The following MTX2 variants were observed in gnomAD, a reference collection of about 807,000 sequenced individuals.
MTX2 encodes metaxin 2.
Under a neutral mutation model 42.3 loss-of-function variants are expected in MTX2, and 35 were observed. The observed-to-expected ratio is 0.83, with a 90% confidence interval of 0.63 to 1.10. MTX2 has a LOEUF of 1.10. MTX2 is among the 50% of genes least tolerant of loss of function. The pLI, the probability that MTX2 is intolerant of heterozygous loss-of-function variation, is 0.00. For missense variants in MTX2, 307 were observed against 304.1 expected, an observed-to-expected ratio of 1.01 and a Z score of -0.07; for synonymous variants, 119 against 100.9, an observed-to-expected ratio of 1.18 and a Z score of -1.08.
At chr2:176,306,728 C>G (rs1684157044) in intron 3 of MTX2, among the ~76,000 whole-genome samples, 2 of 152,260 alleles carry the variant, frequency 1.3e-5, no homozygotes, top group African/African-American at 4.8e-5. Context: ...AGTGTCTGTT[C>G]ATATCCTTTG....
chr2:176,296,592 C>T lies in MTX2; in HGVS notation c.41-268C>T, dbSNP rs116743621. On this transcript the variant is annotated intron_variant, in intron 1 of 9. Coordinates refer to ENST00000249442, the MANE Select transcript of MTX2 (RefSeq NM_006554.5). ...TGAGCTATTTTGTTTTTTTTATTCTCATTTTGGATTGGGCAAGGTATCTTC... is the reference window on the plus strand; with the variant it reads ...TGAGCTATTTTGTTTTTTTTATTCTTATTTTGGATTGGGCAAGGTATCTTC... 5.8e-3 allele frequency among the ~76,000 whole-genome samples: 877 copies of T among 151,914 alleles called. 3 individuals are homozygous for T. The highest frequency in any genetic ancestry group is 0.02 in the African/African-American group (825 of 41,452).
chr2:176,329,553 C>G (rs1684805393), intron 8 of MTX2, 127 bp downstream of exon 8: 5 of 975,530 alleles, frequency 5.1e-6, no homozygotes, highest in African/African-American at 3.4e-5. Context: ...GTGATTTTCA[C>G]TAACATGAAG....
chr2:176,290,651 A>G (rs1409249815), intron 1 of MTX2, among the ~76,000 whole-genome samples: 1 of 152,070 alleles, frequency 6.6e-6, no homozygotes, highest in East Asian at 1.9e-4. Flanking sequence ...GAAGACAGTT[A>G]TAGAGCTCAT....
chr2:176,287,644 T>C (rs1300692265), intron 1 of MTX2, among the ~76,000 whole-genome samples: 1 of 152,192 alleles, frequency 6.6e-6, no homozygotes, highest in Non-Finnish European at 1.5e-5. Flanking sequence ...AACAAGTTTC[T>C]TTTTCCTAAA....
chr2:176,281,724 C>T (rs1311967320), intron 1 of MTX2, among the ~76,000 whole-genome samples: 3 of 151,846 alleles, frequency 2.0e-5, no homozygotes, highest in Non-Finnish European at 4.4e-5. Context: ...ATCTGGGAAC[C>T]GAGAAGGCAC....
At chr2:176,297,093 T>TA (rs1410672325) in intron 2 of MTX2, among the ~76,000 whole-genome samples, 186 bp downstream of exon 2, 1 of 152,294 alleles carries the variant, frequency 6.6e-6, no homozygotes, top group South Asian at 2.1e-4. Context: ...TCATGGCCTA[T>TA]AAGGTCCTTA....
rs374372078 is a variant in MTX2, at chr2:176,312,953, C to T, written c.136-10439C>T. On this transcript the variant is annotated intron_variant, in intron 3 of 9. Coordinates refer to ENST00000249442, the MANE Select transcript of MTX2 (RefSeq NM_006554.5). ...AACATCTTTCTAGAAGTTTTTATTTCGGTACACAATCTTGGTATTTTGATT... is the reference window on the plus strand; with the variant it reads ...AACATCTTTCTAGAAGTTTTTATTTTGGTACACAATCTTGGTATTTTGATT... 4.7e-5 allele frequency among the ~76,000 whole-genome samples: 7 copies of T among 148,058 alleles called. No individual in the cohort carries two copies. In the South Asian group the frequency reaches 1.3e-3, roughly 27 times the overall value.
chr2:176,326,723 C>G (rs1315785292), intron 4 of MTX2, 102 bp from the exon 5 acceptor site: 1 of 711,756 alleles, frequency 1.4e-6, no homozygotes, highest in African/African-American at 1.9e-5. Context: ...TTATGAAATC[C>G]CTATTTATAA....
At chr2:176,303,144 C>G (rs936894258) in intron 3 of MTX2, among the ~76,000 whole-genome samples, 4 of 151,966 alleles carry the variant, frequency 2.6e-5, no homozygotes, top group Non-Finnish European at 4.4e-5. Flanking sequence ...TTTAAAGGAT[C>G]AGTTTAAACC....
At chr2:176,300,141 CAGAG>C (rs986017727) in intron 3 of MTX2, among the ~76,000 whole-genome samples, 10 of 82,836 alleles carry the variant, frequency 1.2e-4, no homozygotes, top group African/African-American at 2.8e-4. Flanking sequence ...ACTAGAGAGA[CAGAG>C]AGAGAGAGAG....
chr2:176,292,009 A>G lies in MTX2; in HGVS notation c.41-4851A>G, dbSNP rs866158367. On this transcript the variant is annotated intron_variant, in intron 1 of 9. Transcript: ENST00000249442. ...GAGGATTTTGGTCTTTATTCCAAGAACCACACATAACTATTGATGTGTCTT... is the reference window on the plus strand; with the variant it reads ...GAGGATTTTGGTCTTTATTCCAAGAGCCACACATAACTATTGATGTGTCTT... 5.1e-4 allele frequency among the ~76,000 whole-genome samples: 77 copies of G among 152,196 alleles called. 4 individuals are homozygous for G. The highest frequency in any genetic ancestry group is 2.1e-4 in the South Asian group (1 of 4,836).
rs187068091 is a variant in MTX2 at position 176,309,052 on chromosome 2, C to T, written c.135+11157C>T. On this transcript the variant is annotated intron_variant, in intron 3 of 9. Coordinates refer to ENST00000249442, the MANE Select transcript of MTX2 (RefSeq NM_006554.5). ...TTAGTGCTATAAATTTCCCTCTACA[C>T]ACTGCTTTAAATGTGTTCCAGAGAT... is the stretch of plus-strand genomic sequence containing the variant. Among the ~76,000 whole-genome samples the T allele has an allele frequency of 3.2e-3, 485 of 152,302 alleles. 6 individuals are homozygous for T. The East Asian group carries it at 0.036, about 11-fold the overall frequency.
intron 3 of MTX2, among the ~76,000 whole-genome samples, chr2:176,318,340 G>T (rs1466892301): frequency 6.6e-6 from 1 of 151,808 alleles, no homozygotes; most frequent in Middle Eastern, 3.2e-3. Flanking sequence ...TTCAATTAAT[G>T]TATTCAATAT....
At chr2:176,307,659 G>A (rs1684186383) in intron 3 of MTX2, among the ~76,000 whole-genome samples, 1 of 152,104 alleles carries the variant, frequency 6.6e-6, no homozygotes, top group Non-Finnish European at 1.5e-5. Flanking sequence ...TATTCTCTGT[G>A]TAGCAATTGT....
rs1383111444 is a variant in MTX2 at position 176,328,310 on chromosome 2, T to C, written c.303T>C (p.Asp101=). The C allele has an allele frequency of 3.8e-6, 6 of 1,576,926 alleles. No individual in the cohort carries two copies. Among genetic ancestry groups the C allele is most frequent in the Non-Finnish European group, 5.2e-6 (6 of 1,163,844 alleles). Reference sequence around the variant, plus strand: ...CCCTTTAGGGCCATTCTCTTAGTGATGGGCTGGAGGAAGTCCAAAAAGCAG... The same window carrying C: ...CCCTTTAGGGCCATTCTCTTAGTGACGGGCTGGAGGAAGTCCAAAAAGCAG... The part of the protein sequence containing the change: ...FVKAKGHSLS[D]GLEEVQKAEM... The change falls in exon 6 of 10, where the codon GAT becomes GAC. Residue 101 remains aspartate (D), a synonymous_variant. Coordinates refer to ENST00000249442, the MANE Select transcript of MTX2 (RefSeq NM_006554.5).
chr2:176,317,053 A>C (rs10175182), intron 3 of MTX2, among the ~76,000 whole-genome samples: 5 of 147,934 alleles, frequency 3.4e-5, no homozygotes, highest in East Asian at 1.9e-4. Flanking sequence ...AAAAAAAAAC[A>C]AAAACTTTTA....
intron 1 of MTX2, among the ~76,000 whole-genome samples, chr2:176,270,776 T>C (rs1692787632): frequency 6.6e-6 from 1 of 152,202 alleles, no homozygotes; most frequent in Non-Finnish European, 1.5e-5. Flanking sequence ...GATTGCAAGC[T>C]TCCTGAAAGT....
In MTX2 at chr2:176,282,126, G is replaced by GTTTTTTTTGTTTTTTTTTTTTTTTTTT. The variant is rs767511650; in HGVS notation, c.40+12465_40+12466insGTTTTTTTTTTTTTTTTTTTTTTTTTT. ...TGATATTATTTTTAGAGTTACAGTA[G>GTTTTTTTTGTTTTTTTTTTTTTTTTTT]TTTTTTTTTTTTTTTTTTTTTTTTT... On this transcript the variant is annotated intron_variant, in intron 1 of 9. Coordinates refer to ENST00000249442, the MANE Select transcript of MTX2 (RefSeq NM_006554.5). Among the ~76,000 whole-genome samples, 24 of 26,426 alleles carry GTTTTTTTTGTTTTTTTTTTTTTTTTTT rather than the reference G, an allele frequency of 9.1e-4. 4 individuals are homozygous for GTTTTTTTTGTTTTTTTTTTTTTTTTTT. The highest frequency in any genetic ancestry group is 2.9e-3 in the African/African-American group (18 of 6,116). The allele number at this position is 26,426 out of a possible 152,430, so 17.3% of individuals were successfully genotyped here. A position where few individuals can be genotyped will look rare whatever the true frequency, so the allele number is the denominator to read the frequency against.
At chr2:176,320,695 CTTT>C (rs34174289) in intron 3 of MTX2, among the ~76,000 whole-genome samples, 30 of 131,838 alleles carry the variant, frequency 2.3e-4, no homozygotes, top group Admixed American at 3.1e-4. Flanking sequence ...TTTACTTATT[CTTT>C]TTTTTTTTTT....
Sources: gnomAD v4.1 joint callset for allele counts (sites outside exome capture counted in the v4.1 genomes callset) on GRCh38, gnomAD v4.1.1 for gene constraint, MANE v1.5 for transcripts, NCBI Gene and HGNC (gene_info 2026-07-23, HGNC 2026-07-21) for gene names.